Variants in IQCJ observed in about 807,000 individuals in gnomAD.
IQCJ encodes IQ domain-containing protein J.
In IQCJ, 9 loss-of-function variants were observed where a neutral mutation model predicts 11.0. The ratio of observed to expected loss-of-function variants is 0.82; its 90% CI spans 0.49 to 1.43. The LOEUF is 1.43. IQCJ is among the 40% of genes most tolerant of loss of function. IQCJ has a pLI of 0.00. For missense variants in IQCJ, 146 were observed against 133.2 expected (o/e 1.10, Z -0.47); for synonymous variants, 55 against 51.3 (o/e 1.07, Z -0.31).
rs553548768 is a variant in IQCJ, at chr3:159,263,034, A to G, written c.*303A>G. 8.7e-6 allele frequency: 9 copies of G among 1,037,728 alleles called. No individual in the cohort carries two copies. Among genetic ancestry groups the G allele is most frequent in the Admixed American group, 5.1e-5 (1 of 19,516 alleles). The allele number at this position is 1,037,728 out of a possible 1,614,324, so 64.3% of individuals were successfully genotyped here. On this transcript the variant is annotated 3_prime_UTR_variant, in exon 4 of 4. Transcript: ENST00000397832. ...TTGTGTGGTGCTAATATGATAGAAG[A>G]TAAGATTGGTTATAAGGAGTAGAAA...
At chr3:159,251,258 A>T (rs979048039) in intron 2 of IQCJ, among the ~76,000 whole-genome samples, 2 of 151,892 alleles carry the variant, frequency 1.3e-5, no homozygotes, top group Non-Finnish European at 2.9e-5. Flanking sequence ...CTCCAGCACA[A>T]TTTTTTTCTT....
chr3:159,168,556 T>C (rs1048268167), intron 1 of IQCJ, among the ~76,000 whole-genome samples: 1 of 152,178 alleles, frequency 6.6e-6, no homozygotes, highest in African/African-American at 2.4e-5. Flanking sequence ...TAGACACTCA[T>C]GTTACAAAAT....
chr3:159,084,263 G>C (rs982744273), intron 1 of IQCJ, among the ~76,000 whole-genome samples: 2 of 147,304 alleles, frequency 1.4e-5, no homozygotes, highest in Non-Finnish European at 3.0e-5. Flanking sequence ...AAAAAAAATA[G>C]GGAGAAAAAT....
Position 159,235,032 on chromosome 3 carries a change from G to A in IQCJ, c.10-10811G>A, listed in dbSNP as rs73877569. 8.5e-3 allele frequency among the ~76,000 whole-genome samples: 1,296 copies of A among 152,136 alleles called. 19 individuals carry two copies. The highest frequency in any genetic ancestry group is 0.03 in the African/African-American group (1,258 of 41,508). On this transcript the variant is annotated intron_variant, in intron 1 of 3. Transcript: ENST00000397832. ...GCTTTGGTGCAAGAAACCCAGAGTT[G>A]GTGTATGGATTCACGTATCCACATT...
intron 1 of IQCJ, among the ~76,000 whole-genome samples, chr3:159,203,750 G>A (rs1470613648): frequency 6.6e-6 from 1 of 152,106 alleles, no homozygotes; most frequent in African/African-American, 2.4e-5. Context: ...ACCTCTGAGG[G>A]CAGGTCACCA....
At chr3:159,255,636 T>C (rs1727855633) in intron 3 of IQCJ, among the ~76,000 whole-genome samples, 1 of 152,122 alleles carries the variant, frequency 6.6e-6, no homozygotes, top group Non-Finnish European at 1.5e-5. Flanking sequence ...GGAGGGTGCC[T>C]GTATCAAAGT....
At chr3:159,187,617 T>G (rs1269006555) in intron 1 of IQCJ, among the ~76,000 whole-genome samples, 1 of 152,224 alleles carries the variant, frequency 6.6e-6, no homozygotes, top group South Asian at 2.1e-4. Flanking sequence ...TTGTCCATGC[T>G]GTAGATGGCA....
chr3:159,230,372 T>C (rs1183065120), intron 1 of IQCJ, among the ~76,000 whole-genome samples: 1 of 152,210 alleles, frequency 6.6e-6, no homozygotes, highest in Non-Finnish European at 1.5e-5. Flanking sequence ...GTGTCTTTTT[T>C]GATATTTTTA....
chr3:159,152,538 A>T (rs942624229), intron 1 of IQCJ, among the ~76,000 whole-genome samples: 1 of 152,154 alleles, frequency 6.6e-6, no homozygotes, highest in South Asian at 2.1e-4. Flanking sequence ...CACTCACTAA[A>T]TGTGTGATTT....
chr3:159,101,828 C>A (rs78949390), intron 1 of IQCJ, among the ~76,000 whole-genome samples: 1 of 152,076 alleles, frequency 6.6e-6, no homozygotes, highest in Non-Finnish European at 1.5e-5. Flanking sequence ...TCTTAACTGT[C>A]GGAAAGACTA....
At chr3:159,183,933 C>T (rs1723239835) in intron 1 of IQCJ, among the ~76,000 whole-genome samples, 1 of 151,686 alleles carries the variant, frequency 6.6e-6, no homozygotes, top group Admixed American at 6.6e-5. Context: ...CCTACCATTG[C>T]TTGCCCAAAT....
chr3:159,182,010 T>G (rs1194063627), intron 1 of IQCJ, among the ~76,000 whole-genome samples: 1 of 151,288 alleles, frequency 6.6e-6, no homozygotes, highest in African/African-American at 2.5e-5. Context: ...ATCACCAAGC[T>G]TTATGTGACT....
chr3:159,202,580 G>T (rs987584189), intron 1 of IQCJ, among the ~76,000 whole-genome samples: 6 of 152,168 alleles, frequency 3.9e-5, no homozygotes, highest in Non-Finnish European at 8.8e-5. Flanking sequence ...TCTTGGTCCT[G>T]TTGGCTTTTC....
chr3:159,078,148 G>A (rs1716066983), intron 1 of IQCJ, among the ~76,000 whole-genome samples: 1 of 95,684 alleles, frequency 1.0e-5, no homozygotes, highest in Non-Finnish European at 2.9e-5. Context: ...CATTAGATGG[G>A]GGCAAGGAGC....
At chr3:159,089,746 C>T (rs1409148376) in intron 1 of IQCJ, among the ~76,000 whole-genome samples, 2 of 151,594 alleles carry the variant, frequency 1.3e-5, no homozygotes, top group Non-Finnish European at 1.5e-5. Context: ...TTACGTAGTT[C>T]TAGAGCCTTG....
intron 1 of IQCJ, among the ~76,000 whole-genome samples, chr3:159,244,412 G>A (rs764112702): frequency 3.3e-5 from 5 of 152,078 alleles, no homozygotes; most frequent in African/African-American, 4.8e-5. Context: ...TAGCACGTGG[G>A]GAAGAAATGG....
intron 1 of IQCJ, among the ~76,000 whole-genome samples, chr3:159,085,052 T>C (rs1028317498): frequency 6.6e-6 from 1 of 152,022 alleles, no homozygotes; most frequent in Admixed American, 6.6e-5. Flanking sequence ...TATCTCCCAA[T>C]GCTATCCCTC....
At chr3:159,201,388 A>G (rs1359421898) in intron 1 of IQCJ, among the ~76,000 whole-genome samples, 1 of 152,224 alleles carries the variant, frequency 6.6e-6, no homozygotes, top group Non-Finnish European at 1.5e-5. Context: ...TTTGTAAACA[A>G]GCACGTTAGT....
At chr3:159,151,719 T>A (rs985808391) in intron 1 of IQCJ, among the ~76,000 whole-genome samples, 8 of 152,232 alleles carry the variant, frequency 5.3e-5, no homozygotes, top group Non-Finnish European at 1.2e-4. Flanking sequence ...CACTGCAAGC[T>A]CCACCTCCCA....
Sources: gnomAD v4.1 joint callset for allele counts (sites outside exome capture counted in the v4.1 genomes callset) on GRCh38, gnomAD v4.1.1 for gene constraint, MANE v1.5 for transcripts, NCBI Gene and HGNC (gene_info 2026-07-23, HGNC 2026-07-21) for gene names.